Variants in GYPB observed in about 807,000 individuals in gnomAD.
The protein encoded by GYPB is glycophorin-B.
Under a neutral mutation model 15.3 loss-of-function variants are expected in GYPB, and 13 were observed. That is an observed-to-expected ratio of 0.85 (90% CI 0.55 to 1.35). GYPB has a LOEUF of 1.35. Ranked by LOEUF, GYPB falls within the 40% of genes most tolerant of loss-of-function variation. The probability of loss-of-function intolerance (pLI) is 0.00; values close to 1 mark genes in which losing one functional copy is unlikely to be tolerated. For missense variants in GYPB, 131 were observed against 108.3 expected, an observed-to-expected ratio of 1.21 and a Z score of -0.93; for synonymous variants, 38 against 36.9, an observed-to-expected ratio of 1.03 and a Z score of -0.11.
At chr4:144,002,943 C>A (rs1265894092) in intron 1 of GYPB, among the ~76,000 whole-genome samples, 4 of 150,990 alleles carry the variant, frequency 2.6e-5, no homozygotes, top group African/African-American at 9.9e-5. Context: ...TAAACGATTG[C>A]CATATGAATT....
intron 1 of GYPB, among the ~76,000 whole-genome samples, chr4:144,015,605 T>G (rs1357149687): frequency 2.6e-5 from 4 of 151,462 alleles, no homozygotes; most frequent in African/African-American, 9.8e-5. Context: ...ATCACAAGAA[T>G]GTGAAGCTAA....
chr4:144,011,006 C>T (rs1452575558), intron 1 of GYPB, among the ~76,000 whole-genome samples: 2 of 151,402 alleles, frequency 1.3e-5, no homozygotes, highest in African/African-American at 4.9e-5. Flanking sequence ...AAATAAGATA[C>T]TAAATGTCAG....
chr4:144,011,339 C>A (rs1038126487), intron 1 of GYPB, among the ~76,000 whole-genome samples: 27 of 151,374 alleles, frequency 1.8e-4, no homozygotes, highest in Admixed American at 7.2e-4. Context: ...GAGATCGTGC[C>A]ACTGCACTCC....
intron 1 of GYPB, chr4:144,008,447 G>A (rs1240893994): frequency 2.2e-6 from 1 of 455,304 alleles, no homozygotes; most frequent in Non-Finnish European, 4.4e-6. Flanking sequence ...ATTGTAGGGT[G>A]ACCTGCAGTG....
chr4:143,996,858 G>T (rs1727340824), intron 4 of GYPB, among the ~76,000 whole-genome samples: 1 of 146,624 alleles, frequency 6.8e-6, no homozygotes, highest in African/African-American at 2.7e-5. Flanking sequence ...ATCTGTTTCA[G>T]AACATGTGAG....
rs562236956 is a variant in GYPB, at chr4:144,005,923, G to T, written c.38-4640C>A. 2.7e-4 allele frequency among the ~76,000 whole-genome samples: 41 copies of T among 151,664 alleles called. 2 individuals carry two copies. The highest frequency in any genetic ancestry group is 9.8e-4 in the African/African-American group (40 of 40,914). Reference sequence around the variant, plus strand: ...GAAATAGCATGGGCTAACATATGGAGAAAGGGGAGTATAACATGCATTGAT... The same window carrying T: ...GAAATAGCATGGGCTAACATATGGATAAAGGGGAGTATAACATGCATTGAT... On this transcript the variant is annotated intron_variant, in intron 1 of 4. Transcript: ENST00000502664.
chr4:143,995,990 G>A (rs1399129468), downstream of GYPB: 10 of 418,004 alleles, frequency 2.4e-5, no homozygotes, highest in Non-Finnish European at 3.6e-5. Context: ...CCTTCTGCAT[G>A]TTCTCCGCTG....
In GYPB at chr4:144,015,633, C is replaced by T. The variant is rs560337415; in HGVS notation, c.37+3618G>A. On this transcript the variant is annotated intron_variant, in intron 1 of 4. Coordinates refer to ENST00000502664, the MANE Select transcript of GYPB (RefSeq NM_002100.6). Reference sequence around the variant, plus strand: ...GAAGCTAAATTTCCTAATTTAAAATCACTACGAAGTAAGTTTGAGATACCA... The same window carrying T: ...GAAGCTAAATTTCCTAATTTAAAATTACTACGAAGTAAGTTTGAGATACCA... Among the ~76,000 whole-genome samples the T allele has an allele frequency of 5.5e-4, 83 of 151,486 alleles. 5 individuals carry two copies. Among genetic ancestry groups the T allele is most frequent in the African/African-American group, 1.9e-3 (78 of 40,822 alleles).
Position 144,002,639 on chromosome 4 carries a change from A to C in GYPB, c.38-1356T>G, listed in dbSNP as rs768850136. 10 of 1,286,168 alleles carry C rather than the reference A, an allele frequency of 7.8e-6. No homozygotes were observed. In the South Asian group the frequency reaches 1.1e-4, roughly 14 times the overall value. The allele number at this position is 1,286,168 out of a possible 1,614,324, so 79.7% of individuals were successfully genotyped here. ...CCAAGTGCAGTGGAGTGGAGGTGGA[A>C]GGGCTTCTTCTCAGAGGCAGCCAAC... On this transcript the variant is annotated intron_variant, in intron 1 of 4. Transcript: ENST00000502664.
chr4:144,006,314 CTT>C (rs1211362560), intron 1 of GYPB, among the ~76,000 whole-genome samples: 1 of 151,966 alleles, frequency 6.6e-6, no homozygotes. Context: ...TTTCACCTCT[CTT>C]GTCTCTTATC....
At position 143,999,496 on chromosome 4, in the gene GYPB, C is replaced by G. The variant is rs376429904; in HGVS notation, c.137-47G>C. 7.8e-5 allele frequency: 79 copies of G among 1,007,022 alleles called. 2 individuals are homozygous for G. The African/African-American group carries it at 1.2e-3, about 15-fold the overall frequency. 62.4% of individuals were successfully genotyped at this position (1,007,022 alleles called of 1,614,324 possible). A position where few individuals can be genotyped will look rare whatever the true frequency, so the allele number is the denominator to read the frequency against. Reference sequence around the variant, plus strand: ...TAAGTCCAAATAAGAAAGACATGTGCAAAGAAAAAAATCATTTTGGAATCA... The same window carrying G: ...TAAGTCCAAATAAGAAAGACATGTGGAAAGAAAAAAATCATTTTGGAATCA... On this transcript the variant is annotated intron_variant, in intron 2 of 4. Transcript: ENST00000502664.
Position 144,001,287 on chromosome 4 carries a change from T to G in GYPB, c.38-4A>C, listed in dbSNP as rs1727613067. The G allele has an allele frequency of 6.2e-7, 1 of 1,612,762 alleles. No homozygotes were observed. Among genetic ancestry groups the G allele is most frequent in the African/African-American group, 1.4e-5 (1 of 73,990 alleles). On this transcript the variant is annotated splice_polypyrimidine_tract_variant and splice_region_variant and intron_variant, in intron 1 of 4. Coordinates refer to ENST00000502664, the MANE Select transcript of GYPB (RefSeq NM_002100.6). ...AATGCTGATATGCTCACAATTTCTG[T>G]ATAAAATAGAAGTTGAGAAAGGGAT...
chr4:144,008,733 G>C (rs1419658313), intron 1 of GYPB, among the ~76,000 whole-genome samples: 2 of 151,480 alleles, frequency 1.3e-5, no homozygotes, highest in African/African-American at 4.9e-5. Context: ...TTATCCCAAA[G>C]TTCTCACACC....
At chr4:143,996,092 A>G (rs1727293394), downstream of GYPB, 2 of 1,329,306 alleles carry the variant, frequency 1.5e-6, no homozygotes, top group Non-Finnish European at 1.0e-6. Context: ...AATCATGACT[A>G]TAATACATGA....
chr4:143,995,825 A>T (rs1039414339), downstream of GYPB, among the ~76,000 whole-genome samples: 7 of 151,304 alleles, frequency 4.6e-5, 1 homozygote, highest in African/African-American at 1.7e-4. Flanking sequence ...CAGTATGATA[A>T]ACTTGTCTTT....
intron 1 of GYPB, among the ~76,000 whole-genome samples, chr4:144,010,175 A>G (rs1469187509): frequency 6.6e-6 from 1 of 151,326 alleles, no homozygotes; most frequent in African/African-American, 2.5e-5. Flanking sequence ...TAAAAAATTA[A>G]GTTGTAGTCT....
intron 1 of GYPB, among the ~76,000 whole-genome samples, chr4:144,013,007 C>T (rs1311820481): frequency 6.6e-6 from 1 of 151,590 alleles, no homozygotes; most frequent in East Asian, 1.9e-4. Flanking sequence ...AAAGTAAAAA[C>T]AAAAATCTAC....
At chr4:143,997,873 C>T (rs1727409564) in intron 3 of GYPB, among the ~76,000 whole-genome samples, 2 of 151,296 alleles carry the variant, frequency 1.3e-5, no homozygotes, top group Admixed American at 1.3e-4. Context: ...GATGACAGAA[C>T]TAAGACCTGA....
At chr4:143,997,261 T>G (rs922667888) in intron 4 of GYPB, 1 of 289,556 alleles carries the variant, frequency 3.5e-6, no homozygotes, top group Admixed American at 4.9e-5. Context: ...TTCCTCAATA[T>G]CCATCAAAAT....
Sources: gnomAD v4.1 joint callset for allele counts (sites outside exome capture counted in the v4.1 genomes callset) on GRCh38, gnomAD v4.1.1 for gene constraint, MANE v1.5 for transcripts, NCBI Gene and HGNC (gene_info 2026-07-23, HGNC 2026-07-21) for gene names.